Variants in DOLK observed in about 807,000 individuals in gnomAD.
DOLK encodes SEC59 homolog.
Under a neutral mutation model 31.7 loss-of-function variants are expected in DOLK, and 20 were observed. The ratio of observed to expected loss-of-function variants is 0.63; its 90% confidence interval spans 0.44 to 0.92. The LOEUF (loss-of-function observed/expected upper bound fraction) is 0.92. Among genes scored for constraint, DOLK ranks in the 40% least tolerant of loss-of-function variants. DOLK has a pLI of 0.00. For missense variants in DOLK, 594 were observed against 680.7 expected, an observed-to-expected ratio of 0.87 and a Z score of 1.42; for synonymous variants, 309 against 287.0, an observed-to-expected ratio of 1.08 and a Z score of -0.77.
rs761831947 is a variant in DOLK, at chr9:128,946,917, C to A, written c.387G>T (p.Ala129=). The A allele has an allele frequency of 2.5e-6, 4 of 1,604,146 alleles. No homozygotes were observed. The highest frequency in any genetic ancestry group is 1.1e-5 in the South Asian group (1 of 91,088). Residue 129 remains alanine (A), a synonymous_variant, in exon 1 of 1, where the codon GCG becomes GCT. Transcript: ENST00000372586. ...MAVALFSSVL[A]LGITRPVPTN... is the part of the protein sequence containing the mutation. ...TTGGCACTGGGCGAGTGATGCCGAGCGCCAACACTGATGAGAAGAGGGCCA... is the reference window on the plus strand; with the variant it reads ...TTGGCACTGGGCGAGTGATGCCGAGAGCCAACACTGATGAGAAGAGGGCCA...
Position 128,947,413 on chromosome 9 carries a change from T to C in DOLK, c.-110A>G. ...AGGCACTTTCACCCGGCCAGCAACC[T>C]TCTCCCTCCGTTCTCCAGCAGCGAG... is the stretch of plus-strand genomic sequence containing the variant. On this transcript the variant is annotated 5_prime_UTR_variant, in exon 1 of 1. Coordinates refer to ENST00000372586, the MANE Select transcript of DOLK (RefSeq NM_014908.4). 1 of 1,379,924 alleles carries C rather than the reference T, an allele frequency of 7.2e-7. No homozygotes were observed. Among genetic ancestry groups the C allele is most frequent in the Non-Finnish European group, 1.0e-6 (1 of 987,142 alleles). The allele number at this position is 1,379,924 out of a possible 1,614,324, so 85.5% of individuals were successfully genotyped here. A position where few individuals can be genotyped will look rare whatever the true frequency, so the allele number is the denominator to read the frequency against.
At position 128,947,538 on chromosome 9, in the gene DOLK, C is replaced by A; in HGVS notation, c.-235G>T. On this transcript the variant is annotated 5_prime_UTR_variant, in exon 1 of 1. Transcript: ENST00000372586. ...CGGCGTAGACGTCGCCACTCTGCAGCCTTCCTCACAGTTACAGCCGCCCCC... is the reference window on the plus strand; with the variant it reads ...CGGCGTAGACGTCGCCACTCTGCAGACTTCCTCACAGTTACAGCCGCCCCC... The A allele has an allele frequency of 1.1e-6, 1 of 933,488 alleles. No individual in the cohort carries two copies. Among genetic ancestry groups the A allele is most frequent in the Non-Finnish European group, 1.6e-6 (1 of 627,896 alleles). 57.8% of individuals were successfully genotyped at this position (933,488 alleles called of 1,614,324 possible).
rs1192393606 is a variant in DOLK, at chr9:128,947,002, G to A, written c.302C>T (p.Thr101Ile). The A allele has an allele frequency of 6.2e-7, 1 of 1,610,270 alleles. No individual in the cohort carries two copies. Among genetic ancestry groups the A allele is most frequent in the Admixed American group, 1.7e-5 (1 of 60,014 alleles). The change falls in exon 1 of 1, where the codon ACT (threonine) becomes ATT (isoleucine). Residue 101 changes from threonine to isoleucine, a missense_variant. Coordinates refer to ENST00000372586, the MANE Select transcript of DOLK (RefSeq NM_014908.4). ...LGLVMKERCQTAGNPFFERFG... is the reference protein window; with the variant it reads ...LGLVMKERCQIAGNPFFERFG... ...ACGCTCAAAGAACGGGTTCCCAGCAGTCTGGCACCGCTCCTTCATGACTAG... is the reference window on the plus strand; with the variant it reads ...ACGCTCAAAGAACGGGTTCCCAGCAATCTGGCACCGCTCCTTCATGACTAG...
At position 128,945,650 on chromosome 9, in the gene DOLK, GTC is replaced by G; in HGVS notation, c.*35_*36del. 1 of 1,613,290 alleles carries G rather than the reference GTC, an allele frequency of 6.2e-7. No individual in the cohort carries two copies. The highest frequency in any genetic ancestry group is 1.3e-5 in the African/African-American group (1 of 75,002). ...TGTGGGGACTGTTCACCCTCCCCAT[GTC>G]TGTTTCCTCCGTCACTGCTGCTGCA... On this transcript the variant is annotated 3_prime_UTR_variant, in exon 1 of 1. Coordinates refer to ENST00000372586, the MANE Select transcript of DOLK (RefSeq NM_014908.4).
rs1267588037 is a variant in DOLK at position 128,946,235 on chromosome 9, G to A, written c.1069C>T (p.Pro357Ser). ...ACAGTGGCGGCTACATAGAGCAGTG[G>A]CCGGTCAAAGATGATACCTGGGATG... ...TYIPGIIFDR[P>S]LLYVAATVCL... The change falls in exon 1 of 1, where the codon CCA becomes TCA. Residue 357 changes from proline to serine, a missense_variant. Physicochemically the swap from Pro to Ser is moderately conservative, Grantham distance 74. Transcript: ENST00000372586. The A allele has an allele frequency of 5.6e-6, 9 of 1,614,046 alleles. No homozygotes were observed. In the African/African-American group the frequency reaches 1.1e-4, roughly 19 times the overall value.
rs778446031 is a variant in DOLK, at chr9:128,946,662, T to C, written c.642A>G (p.Thr214=). 6.2e-7 allele frequency: 1 copy of C among 1,614,040 alleles called. No individual in the cohort carries two copies. Among genetic ancestry groups the C allele is most frequent in the East Asian group, 2.2e-5 (1 of 44,874 alleles). ...CTGGGTCCCCCTGACTTTCCACCAG[T>C]GTCAGAGAGCGCTTGATGAGCTGGT... The part of the protein sequence containing the change: ...VLNQLIKRSL[T]LVESQGDPVD... The change falls in exon 1 of 1, where the codon ACA becomes ACG. Residue 214 remains threonine (T), a synonymous_variant. Coordinates refer to ENST00000372586, the MANE Select transcript of DOLK (RefSeq NM_014908.4).
In DOLK at chr9:128,947,552, A is replaced by G; in HGVS notation, c.-249T>C. On this transcript the variant is annotated 5_prime_UTR_variant, in exon 1 of 1. It removes the in-frame stop codon of an upstream open reading frame in the 5' UTR. Transcript: ENST00000372586. ...CCACTCTGCAGCCTTCCTCACAGTT[A>G]CAGCCGCCCCCGCTGCCGGCTCCTC... is the stretch of plus-strand genomic sequence containing the variant. 1 of 973,310 alleles carries G rather than the reference A, an allele frequency of 1.0e-6. No homozygotes were observed. The highest frequency in any genetic ancestry group is 2.9e-5 in the Admixed American group (1 of 34,356). 60.3% of individuals were successfully genotyped at this position (973,310 alleles called of 1,614,324 possible). A position where few individuals can be genotyped will look rare whatever the true frequency, so the allele number is the denominator to read the frequency against.
chr9:128,947,484 C>T lies in DOLK; in HGVS notation c.-181G>A. ...CACTTCTGCGGCCTGGGAGCTGGCGCCCGGCCACCCCCCACAGCCTCCAAC... is the reference window on the plus strand; with the variant it reads ...CACTTCTGCGGCCTGGGAGCTGGCGTCCGGCCACCCCCCACAGCCTCCAAC... On this transcript the variant is annotated 5_prime_UTR_variant, in exon 1 of 1. Coordinates refer to ENST00000372586, the MANE Select transcript of DOLK (RefSeq NM_014908.4). The T allele has an allele frequency of 1.1e-6, 1 of 930,724 alleles. No individual in the cohort carries two copies. Among genetic ancestry groups the T allele is most frequent in the Non-Finnish European group, 1.6e-6 (1 of 612,512 alleles). The allele number at this position is 930,724 out of a possible 1,614,324, so 57.7% of individuals were successfully genotyped here. A position where few individuals can be genotyped will look rare whatever the true frequency, so the allele number is the denominator to read the frequency against.
Position 128,947,220 on chromosome 9 carries a change from A to G in DOLK, c.84T>C (p.Phe28=). Residue 28 remains phenylalanine, a synonymous_variant, in exon 1 of 1, where the codon TTT becomes TTC. Coordinates refer to ENST00000372586, the MANE Select transcript of DOLK (RefSeq NM_014908.4). ...GSVLAEAAVV[F]AVVLSIHATV... ...TTGCGTGGATGCTCAGCACCACTGC[A>G]AACACTACTGCCGCCTCTGCCAGCA... 1.9e-6 allele frequency: 3 copies of G among 1,613,142 alleles called. No homozygotes were observed. Among genetic ancestry groups the G allele is most frequent in the Non-Finnish European group, 2.5e-6 (3 of 1,179,978 alleles).
chr9:128,947,019 CA>C lies in DOLK; in HGVS notation c.284del (p.Met95ArgfsTer61). On this transcript the variant is annotated frameshift_variant, in exon 1 of 1. Transcript: ENST00000372586. LOFTEE classifies it high-confidence loss of function. ...TCCCAGCAGTCTGGCACCGCTCCTTCATGACTAGTCCAAGCAAAGGCATGAC... is the reference window on the plus strand; with the variant it reads ...TCCCAGCAGTCTGGCACCGCTCCTTCTGACTAGTCCAAGCAAAGGCATGAC... ...SMVMPLLGLV[M>X]KERCQTAGNP... The C allele has an allele frequency of 6.2e-7, 1 of 1,612,268 alleles. No homozygotes were observed. Among genetic ancestry groups the C allele is most frequent in the African/African-American group, 1.3e-5 (1 of 75,048 alleles).
Position 128,945,758 on chromosome 9 carries a change from G to C in DOLK, c.1546C>G (p.Leu516Val). The C allele has an allele frequency of 6.2e-7, 1 of 1,614,154 alleles. No homozygotes were observed. Residue 516 changes from leucine to valine, a missense_variant, in exon 1 of 1, where the codon CTG becomes GTG. Transcript: ENST00000372586. The stretch of plus-strand genomic sequence containing the variant: ...TCTATCTGTGTAGTGTATGCTTCCA[G>C]GAGGGACACAGTGCTGATGGACCCC... ...ILGSISTVSL[L>V]EAYTTQIDNL...
chr9:128,947,596 A>G lies in DOLK; in HGVS notation c.-293T>C. On this transcript the variant is annotated 5_prime_UTR_variant, in exon 1 of 1. It removes an upstream start codon present in the reference 5' UTR. Coordinates refer to ENST00000372586, the MANE Select transcript of DOLK (RefSeq NM_014908.4). ...GCTCCTCACCTCTTTGGGCCTCGCCATCTTGGCACCGCCCCGCGGCAACGT... is the reference window on the plus strand; with the variant it reads ...GCTCCTCACCTCTTTGGGCCTCGCCGTCTTGGCACCGCCCCGCGGCAACGT... 2 of 1,250,822 alleles carry G rather than the reference A, an allele frequency of 1.6e-6. No homozygotes were observed. Among genetic ancestry groups the G allele is most frequent in the Non-Finnish European group, 2.2e-6 (2 of 929,230 alleles). 77.5% of individuals were successfully genotyped at this position (1,250,822 alleles called of 1,614,324 possible). A position where few individuals can be genotyped will look rare whatever the true frequency, so the allele number is the denominator to read the frequency against.
chr9:128,945,875 T>G lies in DOLK; in HGVS notation c.1429A>C (p.Met477Leu), dbSNP rs763666338. 2 of 1,614,226 alleles carry G rather than the reference T, an allele frequency of 1.2e-6. No homozygotes were observed. Among genetic ancestry groups the G allele is most frequent in the South Asian group, 2.2e-5 (2 of 91,088 alleles). The part of the protein sequence containing the change: ...PGTKKTFEGT[M>L]TSIFAQIISV... ...ATGATCTGCGCAAATATAGATGTCA[T>G]GGTCCCCTCAAAAGTCTTTTTGGTT... The change falls in exon 1 of 1, where the codon ATG (methionine) becomes CTG (leucine). Residue 477 changes from methionine to leucine, a missense_variant. By Grantham distance (15) the Met-to-Leu change is conservative. Transcript: ENST00000372586.
rs982668501 is a variant in DOLK at position 128,946,126 on chromosome 9, G to A, written c.1178C>T (p.Ser393Phe). Residue 393 changes from serine to phenylalanine, a missense_variant, in exon 1 of 1, where the codon TCC (serine) becomes TTC (phenylalanine). Physicochemically the swap from Ser to Phe is radical, Grantham distance 155. Coordinates refer to ENST00000372586, the MANE Select transcript of DOLK (RefSeq NM_014908.4). The part of the protein sequence containing the change: ...PLGHTLRSFL[S>F]LFLDERDSGP... The stretch of plus-strand genomic sequence containing the variant: ...ACTGTCTCGTTCATCCAGAAAAAGG[G>A]ACAGGAAGCTCCGTAGAGTGTGACC... 31 of 1,614,076 alleles carry A rather than the reference G, an allele frequency of 1.9e-5. No individual in the cohort carries two copies. The highest frequency in any genetic ancestry group is 2.6e-5 in the Non-Finnish European group (31 of 1,180,044).
Position 128,946,730 on chromosome 9 carries a change from C to T in DOLK, c.574G>A (p.Gly192Ser), listed in dbSNP as rs757562533. 6.2e-7 allele frequency: 1 copy of T among 1,614,082 alleles called. No individual in the cohort carries two copies. The change falls in exon 1 of 1, where the codon GGT becomes AGT. Residue 192 changes from glycine to serine, a missense_variant. Transcript: ENST00000372586. Reference protein sequence around the residue: ...LYLLPRCFTPGEALLVLGGIS... With the variant: ...LYLLPRCFTPSEALLVLGGIS... ...CCACCCAATACCAGCAGTGCCTCAC[C>T]AGGGGTGAAGCAGCGGGGCAGCAGG...
Position 128,945,903 on chromosome 9 carries a change from A to G in DOLK, c.1401T>C (p.Pro467=). Residue 467 remains proline, a synonymous_variant, in exon 1 of 1, where the codon CCT becomes CCC. Transcript: ENST00000372586. ...TCCCCTCAAAAGTCTTTTTGGTTCCAGGCCAGCGGATCTCCCCCATGGTGC... is the reference window on the plus strand; with the variant it reads ...TCCCCTCAAAAGTCTTTTTGGTTCCGGGCCAGCGGATCTCCCCCATGGTGC... ...FGSTMGEIRW[P]GTKKTFEGTM... 6.2e-7 allele frequency: 1 copy of G among 1,614,216 alleles called. No individual in the cohort carries two copies. The highest frequency in any genetic ancestry group is 8.5e-7 in the Non-Finnish European group (1 of 1,180,040).
chr9:128,946,081 T>A lies in DOLK; in HGVS notation c.1223A>T (p.His408Leu). 6.2e-7 allele frequency: 1 copy of A among 1,613,962 alleles called. No homozygotes were observed. The highest frequency in any genetic ancestry group is 8.5e-7 in the Non-Finnish European group (1 of 1,179,996). The stretch of plus-strand genomic sequence containing the variant: ...AGACATGCCCAGGAGCAGGTAGATG[T>A]GTGTCAGAATGAGTGGTCCACTGTC... The part of the protein sequence containing the change: ...ERDSGPLILT[H>L]IYLLLGMSLP... Residue 408 changes from histidine to leucine, a missense_variant, in exon 1 of 1, where the codon CAC (histidine) becomes CTC (leucine). Coordinates refer to ENST00000372586, the MANE Select transcript of DOLK (RefSeq NM_014908.4).
In DOLK at chr9:128,946,470, G is replaced by A; in HGVS notation, c.834C>T (p.Leu278=). 6.2e-7 allele frequency: 1 copy of A among 1,614,154 alleles called. No individual in the cohort carries two copies. Among genetic ancestry groups the A allele is most frequent in the African/African-American group, 1.3e-5 (1 of 75,030 alleles). The change falls in exon 1 of 1, where the codon CTC becomes CTT. Residue 278 remains leucine (L), a synonymous_variant. Transcript: ENST00000372586. ...LGVVLPWLHR[L]IRRNPLLWLL... is the part of the protein sequence containing the mutation. ...GCCAGAGCAGGGGATTCCTGCGGAT[G>A]AGCCGGTGCAGCCAGGGTAGGACCA...
rs1413752276 is a variant in DOLK, at chr9:128,946,394, A to G, written c.910T>C (p.Trp304Arg). Reference protein sequence around the residue: ...TDTRIYLLAYWSLLATLACLV... With the variant: ...TDTRIYLLAYRSLLATLACLV... Reference sequence around the variant, plus strand: ...CAGGCCAAGGTGGCCAGCAGAGACCAATAGGCTAGGAGGTAGATGCGGGTG... The same window carrying G: ...CAGGCCAAGGTGGCCAGCAGAGACCGATAGGCTAGGAGGTAGATGCGGGTG... The change falls in exon 1 of 1, where the codon TGG becomes CGG. Residue 304 changes from tryptophan (W) to arginine (R), a missense_variant. Coordinates refer to ENST00000372586, the MANE Select transcript of DOLK (RefSeq NM_014908.4). The G allele has an allele frequency of 1.2e-6, 2 of 1,613,904 alleles. No individual in the cohort carries two copies. The highest frequency in any genetic ancestry group is 2.7e-5 in the African/African-American group (2 of 74,890).
Sources: gnomAD v4.1 joint callset for allele counts on GRCh38, gnomAD v4.1.1 for gene constraint, MANE v1.5 for transcripts, NCBI Gene and HGNC (gene_info 2026-07-23, HGNC 2026-07-21) for gene names.